Variants in OPRPN observed in about 807,000 individuals in gnomAD.
The protein encoded by OPRPN is opiorphin prepropeptide, also known as basic proline-rich lacrimal protein.
In OPRPN, 1 loss-of-function variant was observed where a neutral mutation model predicts 2.2. The observed-to-expected ratio is 0.45, with a 90% CI of 0.16 to 2.15. The LOEUF (loss-of-function observed/expected upper bound fraction) is 2.15. OPRPN is among the 30% of genes most tolerant of loss of function. The probability of loss-of-function intolerance (pLI) is 0.28; values close to 1 mark genes in which losing one functional copy is unlikely to be tolerated. For synonymous variants in OPRPN, 126 were observed against 111.5 expected, an observed-to-expected ratio of 1.13 and a Z score of -0.82; for missense variants, 306 against 297.3, an observed-to-expected ratio of 1.03 and a Z score of -0.21.
In OPRPN at chr4:70,405,726, A is replaced by G. The variant is rs554684837; in HGVS notation, c.52-3654A>G. On this transcript the variant is annotated intron_variant, in intron 2 of 2. Coordinates refer to ENST00000399575, the MANE Select transcript of OPRPN (RefSeq NM_021225.5). ...TTAATGTTAGCAGCCATGACTTAAG[A>G]TCTCAATTTCATTTGAGTCCACATT... is the stretch of plus-strand genomic sequence containing the variant. Among the ~76,000 whole-genome samples, 92 of 152,278 alleles carry G rather than the reference A, an allele frequency of 6.0e-4. 3 individuals carry two copies. The highest frequency in any genetic ancestry group is 6.0e-3 in the Admixed American group (91 of 15,270).
chr4:70,409,658 A>G lies in OPRPN; in HGVS notation c.330A>G (p.Arg110=), dbSNP rs761473675. ...ATCCAAACCTACATTTCCCACTAAG[A>G]CCTTACTATGTAGGACCTATTAGGA... ...PGYPNLHFPL[R]PYYVGPIRIL... is the part of the protein sequence containing the mutation. The change falls in exon 3 of 3, where the codon AGA becomes AGG. Residue 110 remains arginine, a synonymous_variant. Coordinates refer to ENST00000399575, the MANE Select transcript of OPRPN (RefSeq NM_021225.5). 13 of 1,613,698 alleles carry G rather than the reference A, an allele frequency of 8.1e-6. No homozygotes were observed. Among genetic ancestry groups the G allele is most frequent in the Non-Finnish European group, 1.1e-5 (13 of 1,179,928 alleles).
intron 2 of OPRPN, among the ~76,000 whole-genome samples, chr4:70,405,034 T>C (rs1166435795): frequency 6.6e-6 from 1 of 152,160 alleles, no homozygotes; most frequent in East Asian, 1.9e-4. Flanking sequence ...AAGAAGTATA[T>C]TACAAAAGTA....
At chr4:70,405,881 T>C (rs1310072846) in intron 2 of OPRPN, among the ~76,000 whole-genome samples, 1 of 151,162 alleles carries the variant, frequency 6.6e-6, no homozygotes, top group Non-Finnish European at 1.5e-5. Context: ...CTGGGCAACA[T>C]AGCAAGACCC....
intron 1 of OPRPN, 28 bp from the exon 2 acceptor site, chr4:70,399,243 C>A: frequency 6.6e-7 from 1 of 1,522,500 alleles, no homozygotes; most frequent in Non-Finnish European, 9.0e-7. Context: ...ATTTGGCTAA[C>A]TGTGGATAAT....
chr4:70,409,579 T>C lies in OPRPN; in HGVS notation c.251T>C (p.Leu84Pro). ...TCTCGATTTAGCCAAGCAGTCATTC[T>C]ATCTCAACTCTTTCCATTGGAATCT... ...SFSRFSQAVI[L>P]SQLFPLESIR... Residue 84 changes from leucine to proline, a missense_variant, in exon 3 of 3, where the codon CTA (leucine) becomes CCA (proline). By Grantham distance (98) the Leu-to-Pro change is moderately conservative. Coordinates refer to ENST00000399575, the MANE Select transcript of OPRPN (RefSeq NM_021225.5). 1 of 1,613,914 alleles carries C rather than the reference T, an allele frequency of 6.2e-7. No homozygotes were observed. The highest frequency in any genetic ancestry group is 8.5e-7 in the Non-Finnish European group (1 of 1,179,780).
intron 2 of OPRPN, among the ~76,000 whole-genome samples, chr4:70,408,012 G>A (rs1733129925): frequency 6.6e-6 from 1 of 152,132 alleles, no homozygotes; most frequent in Non-Finnish European, 1.5e-5. Flanking sequence ...ATAGCCTTTT[G>A]GGGAAAATGG....
In OPRPN at chr4:70,409,551, T is replaced by C. The variant is rs2109773423; in HGVS notation, c.223T>C (p.Phe75Leu). Residue 75 changes from phenylalanine to leucine, a missense_variant, in exon 3 of 3, where the codon TTC (phenylalanine) becomes CTC (leucine). Transcript: ENST00000399575. ...FVPGRVPPSS[F>L]SRFSQAVILS... ...CCCAGGGCGAGTTCCACCATCTTCT[T>C]TCTCTCGATTTAGCCAAGCAGTCAT... The C allele has an allele frequency of 1.2e-6, 2 of 1,613,954 alleles. No homozygotes were observed. Among genetic ancestry groups the C allele is most frequent in the Non-Finnish European group, 1.7e-6 (2 of 1,179,904 alleles).
chr4:70,405,308 A>AAAAAT (rs1384357768), intron 2 of OPRPN, among the ~76,000 whole-genome samples: 1 of 152,212 alleles, frequency 6.6e-6, no homozygotes. Flanking sequence ...AGGAAAAGAT[A>AAAAAT]AAAATAATAA....
intron 1 of OPRPN, among the ~76,000 whole-genome samples, 183 bp from the exon 2 acceptor site, chr4:70,399,088 G>A (rs1732918566): frequency 6.6e-6 from 1 of 151,282 alleles, no homozygotes; most frequent in South Asian, 2.1e-4. Flanking sequence ...TCACAAACAT[G>A]ACAGTATTGC....
intron 2 of OPRPN, among the ~76,000 whole-genome samples, chr4:70,401,151 T>C (rs962107753): frequency 1.3e-5 from 2 of 152,088 alleles, no homozygotes; most frequent in African/African-American, 4.8e-5. Flanking sequence ...AATTCTTTTC[T>C]ACCTTGAAAG....
At position 70,409,395 on chromosome 4, in the gene OPRPN, A is replaced by C; in HGVS notation, c.67A>C (p.Arg23=). 1 of 1,607,690 alleles carries C rather than the reference A, an allele frequency of 6.2e-7. No homozygotes were observed. Among genetic ancestry groups the C allele is most frequent in the Non-Finnish European group, 8.5e-7 (1 of 1,176,722 alleles). ...ATCTCCACAGCCCAGTGAGAGTCAAAGATTCTCCAGAAGACCATATCTACC... is the reference window on the plus strand; with the variant it reads ...ATCTCCACAGCCCAGTGAGAGTCAACGATTCTCCAGAAGACCATATCTACC... ...ISCFTPSESQ[R]FSRRPYLPGQ... The change falls in exon 3 of 3, where the codon AGA becomes CGA. Residue 23 remains arginine (R), a synonymous_variant. Transcript: ENST00000399575.
At chr4:70,400,221 C>T (rs1190393477) in intron 2 of OPRPN, among the ~76,000 whole-genome samples, 3 of 151,778 alleles carry the variant, frequency 2.0e-5, no homozygotes, top group South Asian at 2.1e-4. Flanking sequence ...ATACCAAAGT[C>T]GAATTCCAAA....
At chr4:70,405,425 A>T (rs1733067778) in intron 2 of OPRPN, among the ~76,000 whole-genome samples, 1 of 152,134 alleles carries the variant, frequency 6.6e-6, no homozygotes, top group Non-Finnish European at 1.5e-5. Context: ...GATCACTTTG[A>T]ACTTAATTTC....
chr4:70,403,867 C>T (rs1368232787), intron 2 of OPRPN, among the ~76,000 whole-genome samples: 3 of 152,228 alleles, frequency 2.0e-5, no homozygotes, highest in East Asian at 3.9e-4. Flanking sequence ...CCCATCCTCT[C>T]CCCTAAGCAA....
At chr4:70,401,513 C>A (rs1732984380) in intron 2 of OPRPN, among the ~76,000 whole-genome samples, 1 of 151,996 alleles carries the variant, frequency 6.6e-6, no homozygotes, top group Non-Finnish European at 1.5e-5. Flanking sequence ...ACAATGTACT[C>A]TGGAGCACAG....
chr4:70,409,603 C>G lies in OPRPN; in HGVS notation c.275C>G (p.Ser92Cys). 1 of 1,613,806 alleles carries G rather than the reference C, an allele frequency of 6.2e-7. No homozygotes were observed. The highest frequency in any genetic ancestry group is 8.5e-7 in the Non-Finnish European group (1 of 1,179,690). The change falls in exon 3 of 3, where the codon TCT becomes TGT. Residue 92 changes from serine (S) to cysteine (C), a missense_variant. Transcript: ENST00000399575. ...VILSQLFPLE[S>C]IRQPRLFPGY... ...CTATCTCAACTCTTTCCATTGGAAT[C>G]TATTAGACAACCTCGACTCTTTCCG... is the stretch of plus-strand genomic sequence containing the variant.
chr4:70,410,154 C>G lies in OPRPN; in HGVS notation c.*79C>G. ...CTGCAATGATTTTGATGGAACCAAC[C>G]CTGATCTAACCAGCACACTAAATAA... On this transcript the variant is annotated 3_prime_UTR_variant, in exon 3 of 3. Transcript: ENST00000399575. 9.5e-7 allele frequency: 1 copy of G among 1,055,038 alleles called. No homozygotes were observed. Among genetic ancestry groups the G allele is most frequent in the Non-Finnish European group, 1.3e-6 (1 of 745,396 alleles). 65.4% of individuals were successfully genotyped at this position (1,055,038 alleles called of 1,614,324 possible).
chr4:70,408,301 T>A (rs994497448), intron 2 of OPRPN, among the ~76,000 whole-genome samples: 1 of 152,212 alleles, frequency 6.6e-6, no homozygotes, highest in Non-Finnish European at 1.5e-5. Flanking sequence ...TGATGGTCGC[T>A]AGAATAGAAC....
intron 2 of OPRPN, among the ~76,000 whole-genome samples, chr4:70,408,585 C>G (rs1398484217): frequency 6.6e-6 from 1 of 152,200 alleles, no homozygotes; most frequent in Non-Finnish European, 1.5e-5. Flanking sequence ...AGCCCTTACT[C>G]TACCTTACTA....
Sources: allele counts gnomAD v4.1 joint callset (sites outside exome capture counted in the v4.1 genomes callset), GRCh38; gene constraint gnomAD v4.1.1; transcripts MANE v1.5; gene names NCBI Gene and HGNC (gene_info 2026-07-23, HGNC 2026-07-21).